The following CUX1 variants were observed in gnomAD, a reference collection of about 807,000 sequenced individuals.
The protein encoded by CUX1 is protein CASP.
Under a neutral mutation model 158.8 loss-of-function variants are expected in CUX1, and 31 were observed. That is an observed-to-expected ratio of 0.20 (90% CI 0.15 to 0.26). CUX1 has a LOEUF of 0.26. Among genes scored for constraint, CUX1 ranks in the 10% least tolerant of loss-of-function variants. The pLI is 1.00. For missense variants in CUX1, 1,589 were observed against 2,014.6 expected (o/e 0.79, Z 4.04); for synonymous variants, 879 against 862.1 (o/e 1.02, Z -0.34).
rs1246754806 is a variant in CUX1, at chr7:102,132,208, G to A, written c.674+16935G>A. On this transcript the variant is annotated intron_variant, in intron 8 of 23. Coordinates refer to ENST00000292535, the MANE Select transcript of CUX1 (RefSeq NM_181552.4). ...CGGGTGGATAGATGGATGGGCGGGT[G>A]GATAGATGGATGGATGGACAGACGG... Among the ~76,000 whole-genome samples the A allele has an allele frequency of 2.0e-5, 3 of 147,364 alleles. No individual in the cohort carries two copies. In the East Asian group the frequency reaches 5.9e-4, roughly 29 times the overall value.
At chr7:102,138,468 C>T (rs368860671) in intron 8 of CUX1, among the ~76,000 whole-genome samples, 58 of 152,212 alleles carry the variant, frequency 3.8e-4, no homozygotes, top group African/African-American at 1.1e-3. Context: ...CCTTCTAATC[C>T]GCCCTGCCTT....
chr7:101,953,279 A>G (rs1044709934), intron 2 of CUX1, among the ~76,000 whole-genome samples: 4 of 152,222 alleles, frequency 2.6e-5, no homozygotes, highest in African/African-American at 9.6e-5. Context: ...TCCCTTTCAA[A>G]TAAGTAATAA....
At chr7:101,818,456 C>G (rs1792116331) in intron 1 of CUX1, among the ~76,000 whole-genome samples, 1 of 152,176 alleles carries the variant, frequency 6.6e-6, no homozygotes, top group Admixed American at 6.5e-5. Context: ...GATTTGGTTT[C>G]TAGAGTTACT....
intron 8 of CUX1, among the ~76,000 whole-genome samples, chr7:102,151,370 C>T (rs1006759476): frequency 5.9e-5 from 9 of 151,878 alleles, no homozygotes; most frequent in African/African-American, 1.9e-4. Flanking sequence ...CTGGCCAACA[C>T]GATAAAACCC....
At chr7:102,095,371 A>G (rs1203969598) in intron 4 of CUX1, among the ~76,000 whole-genome samples, 11 of 152,168 alleles carry the variant, frequency 7.2e-5, no homozygotes, top group African/African-American at 2.7e-4. Flanking sequence ...TAAAATAATA[A>G]TGAAAAGCCA....
intron 2 of CUX1, among the ~76,000 whole-genome samples, chr7:101,989,297 C>T (rs533683712): frequency 4.6e-5 from 7 of 152,216 alleles, no homozygotes; most frequent in African/African-American, 9.6e-5. Flanking sequence ...TCGCCTGGAA[C>T]GATGTCTGCG....
intron 1 of CUX1, among the ~76,000 whole-genome samples, chr7:101,889,127 T>C (rs1800571107): frequency 2.0e-5 from 3 of 151,448 alleles, no homozygotes. Context: ...ATGAGTTGGA[T>C]GTGTACCTGT....
chr7:101,976,230 A>G (rs1262506952), intron 2 of CUX1, among the ~76,000 whole-genome samples: 6 of 152,154 alleles, frequency 3.9e-5, no homozygotes, highest in Admixed American at 2.0e-4. Flanking sequence ...AACATAAACT[A>G]TATTTCTGTA....
intron 2 of CUX1, among the ~76,000 whole-genome samples, chr7:101,998,353 C>T (rs1211227581): frequency 3.9e-5 from 6 of 152,354 alleles, no homozygotes; most frequent in East Asian, 1.9e-4. Flanking sequence ...GCTGTAGGTG[C>T]ACATTTACCG....
At chr7:101,932,544 C>G (rs1048083000) in intron 2 of CUX1, 1 of 453,776 alleles carries the variant, frequency 2.2e-6, no homozygotes, top group Non-Finnish European at 4.4e-6. Context: ...TTGAAGATGA[C>G]CATTTGTGAA....
intron 2 of CUX1, among the ~76,000 whole-genome samples, chr7:101,997,249 T>C (rs1277273797): frequency 1.3e-5 from 2 of 152,244 alleles, no homozygotes; most frequent in Non-Finnish European, 1.5e-5. Context: ...GGGGTGCCCA[T>C]GATGGTGTAA....
At chr7:102,083,535 G>A (rs1465538680) in intron 4 of CUX1, among the ~76,000 whole-genome samples, 4 of 146,826 alleles carry the variant, frequency 2.7e-5, no homozygotes, top group African/African-American at 7.3e-5. Context: ...CAAACTCCTG[G>A]GCTCAAGCAG....
At position 102,028,675 on chromosome 7, in the gene CUX1, G is replaced by A. The variant is rs977215782; in HGVS notation, c.189+530G>A. Among the ~76,000 whole-genome samples, 17 of 152,284 alleles carry A rather than the reference G, an allele frequency of 1.1e-4. 1 individual carries two copies. In the South Asian group the frequency reaches 2.1e-3, roughly 19 times the overall value. ...CTAACGGATCCTTCCAGAGAAGGACGGAGCCATCTGGCAGACGGCACGTGG... is the reference window on the plus strand; with the variant it reads ...CTAACGGATCCTTCCAGAGAAGGACAGAGCCATCTGGCAGACGGCACGTGG... On this transcript the variant is annotated intron_variant, in intron 3 of 23. Transcript: ENST00000292535.
At chr7:102,058,814 A>G (rs1824448001) in intron 3 of CUX1, among the ~76,000 whole-genome samples, 1 of 152,196 alleles carries the variant, frequency 6.6e-6, no homozygotes, top group Non-Finnish European at 1.5e-5. Context: ...GATTTACCCG[A>G]GGGAGGTAGG....
At chr7:102,238,072 G>A (rs904413102) in intron 22 of CUX1, among the ~76,000 whole-genome samples, 7 of 152,172 alleles carry the variant, frequency 4.6e-5, no homozygotes, top group Non-Finnish European at 1.0e-4. Context: ...GACTAGGAGC[G>A]TGACCACTGA....
chr7:101,969,825 T>A (rs1811712807), intron 2 of CUX1, among the ~76,000 whole-genome samples: 1 of 151,990 alleles, frequency 6.6e-6, no homozygotes, highest in African/African-American at 2.4e-5. Flanking sequence ...GAAATGAAGA[T>A]GTACCTTGAA....
rs781847864 is a variant in CUX1 at position 102,104,466 on chromosome 7, A to G, written c.530+7A>G. On this transcript the variant is annotated splice_region_variant and intron_variant, in intron 6 of 23. Coordinates refer to ENST00000292535, the MANE Select transcript of CUX1 (RefSeq NM_181552.4). ...ACTTTGCAGAAAAGGAGAGGTGAGC[A>G]TGACTTCCAGGCACACACAGACTGA... 40 of 1,612,602 alleles carry G rather than the reference A, an allele frequency of 2.5e-5. No individual in the cohort carries two copies. In the South Asian group the frequency reaches 3.3e-4, roughly 13 times the overall value.
intron 1 of CUX1, among the ~76,000 whole-genome samples, chr7:101,876,931 C>CT (rs1440552393): frequency 1.3e-5 from 2 of 152,004 alleles, no homozygotes; most frequent in Non-Finnish European, 2.9e-5. Context: ...TTTTTTTCAT[C>CT]TTTTTCCTAG....
intron 3 of CUX1, among the ~76,000 whole-genome samples, chr7:102,033,378 A>G (rs754979837): frequency 5.1e-4 from 77 of 152,358 alleles, no homozygotes; most frequent in Non-Finnish European, 8.8e-4. Context: ...TAAGAATAGA[A>G]ATGAATGAAA....
Sources: gnomAD v4.1 joint callset for allele counts (sites outside exome capture counted in the v4.1 genomes callset) on GRCh38, gnomAD v4.1.1 for gene constraint, MANE v1.5 for transcripts, NCBI Gene and HGNC (gene_info 2026-07-23, HGNC 2026-07-21) for gene names.